CLIP1: variants seen among roughly 807,000 people sequenced by gnomAD.
The protein encoded by CLIP1 is CAP-Gly domain containing linker protein 1.
A neutral mutation model predicts 161.6 loss-of-function variants in CLIP1; 66 were observed. That is an observed-to-expected ratio of 0.41 (90% confidence interval 0.33 to 0.50). CLIP1 has a LOEUF of 0.50. Ranked by LOEUF, CLIP1 falls within the 20% of genes least tolerant of loss-of-function variation. CLIP1 has a pLI of 0.27. For missense variants in CLIP1, 1,376 were observed against 1,702.0 expected, an observed-to-expected ratio of 0.81 and a Z score of 3.37; for synonymous variants, 598 against 626.2, an observed-to-expected ratio of 0.96 and a Z score of 0.67.
At chr12:122,312,471 A>G (rs1593039465) in intron 19 of CLIP1, among the ~76,000 whole-genome samples, 1 of 152,056 alleles carries the variant, frequency 6.6e-6, no homozygotes, top group Admixed American at 6.6e-5. Context: ...TCCTATTAGA[A>G]CCCTTGTGGT....
chr12:122,384,487 C>A (rs1205655634), intron 1 of CLIP1, among the ~76,000 whole-genome samples: 1 of 152,072 alleles, frequency 6.6e-6, no homozygotes, highest in East Asian at 1.9e-4. Flanking sequence ...GAAGGCCGGG[C>A]GCAGTGGCTC....
At position 122,279,259 on chromosome 12, in the gene CLIP1, ACAGGG is replaced by A; in HGVS notation, c.3648-119_3648-115del. ...TAGTTAATGTAAAAAAAAAAATATAACAGGGAAGTTTTATAGGGAGTTAAGGCCAT... is the reference window on the plus strand; with the variant it reads ...TAGTTAATGTAAAAAAAAAAATATAAAAGTTTTATAGGGAGTTAAGGCCAT... On this transcript the variant is annotated intron_variant, in intron 21 of 25. Transcript: ENST00000620786. This position sits in a 1 kb window ranked among gnomAD's most constrained non-coding sequence, Gnocchi z 4.5. The A allele has an allele frequency of 1.4e-6, 1 of 696,956 alleles. No individual in the cohort carries two copies. 43.2% of individuals were successfully genotyped at this position (696,956 alleles called of 1,614,324 possible). A position where few individuals can be genotyped will look rare whatever the true frequency, so the allele number is the denominator to read the frequency against.
At chr12:122,367,768 C>T (rs777195128) in intron 3 of CLIP1, among the ~76,000 whole-genome samples, 12 of 152,158 alleles carry the variant, frequency 7.9e-5, no homozygotes, top group Admixed American at 2.6e-4. Flanking sequence ...CCTGTAATCC[C>T]ACCATTTTGG....
intron 5 of CLIP1, among the ~76,000 whole-genome samples, chr12:122,359,283 A>G (rs1330683401): frequency 6.6e-6 from 1 of 152,196 alleles, no homozygotes; most frequent in African/African-American, 2.4e-5. Flanking sequence ...CTCTTTTGTC[A>G]ATTTTCACTG....
Position 122,377,844 on chromosome 12 carries a change from C to T in CLIP1, c.202G>A (p.Gly68Arg), listed in dbSNP as rs1230140758. ...AACTGGATAAATCCAGGCTTATTTC[C>T]ATTCACCCAAACTCGCTCCCCAACT... ...FRVGERVWVN[G>R]NKPGFIQFLG... is the part of the protein sequence containing the mutation. Residue 68 changes from glycine to arginine, a missense_variant, in exon 3 of 26, where the codon GGA becomes AGA. Physicochemically the swap from Gly to Arg is moderately radical, Grantham distance 125. Coordinates refer to ENST00000620786, the MANE Select transcript of CLIP1 (RefSeq NM_001247997.2). 6.2e-7 allele frequency: 1 copy of T among 1,613,918 alleles called. No homozygotes were observed. Among genetic ancestry groups the T allele is most frequent in the Admixed American group, 1.7e-5 (1 of 59,960 alleles).
At chr12:122,298,810 C>T (rs1449744257) in intron 20 of CLIP1, among the ~76,000 whole-genome samples, 1 of 151,840 alleles carries the variant, frequency 6.6e-6, no homozygotes, top group Non-Finnish European at 1.5e-5. Context: ...CAAAAATTAG[C>T]TGTGTGTGGT....
chr12:122,298,141 T>G (rs1950544456), intron 20 of CLIP1, among the ~76,000 whole-genome samples: 1 of 152,198 alleles, frequency 6.6e-6, no homozygotes, highest in Admixed American at 6.6e-5. Flanking sequence ...CCCGAGAGCA[T>G]ACTTCGGTAA....
intron 1 of CLIP1, among the ~76,000 whole-genome samples, chr12:122,385,448 C>T (rs547745471): frequency 2.6e-5 from 4 of 152,092 alleles, no homozygotes; most frequent in Admixed American, 6.6e-5. Flanking sequence ...TCTTACACTC[C>T]CAGGGGATAT....
chr12:122,316,427 C>A (rs774741491), intron 19 of CLIP1, among the ~76,000 whole-genome samples: 2 of 152,094 alleles, frequency 1.3e-5, no homozygotes, highest in African/African-American at 2.4e-5. Context: ...CCAGGCTGGT[C>A]TCAAACTCCC....
At chr12:122,374,618 T>C (rs1182840666) in intron 3 of CLIP1, among the ~76,000 whole-genome samples, 3 of 151,996 alleles carry the variant, frequency 2.0e-5, no homozygotes, top group African/African-American at 7.3e-5. Flanking sequence ...AAAAAGTAGC[T>C]GGGCATGGTG....
At chr12:122,386,847 G>A (rs1403604390) in intron 1 of CLIP1, among the ~76,000 whole-genome samples, 1 of 150,076 alleles carries the variant, frequency 6.7e-6, no homozygotes, top group Non-Finnish European at 1.5e-5. Flanking sequence ...AAAAGAGAGA[G>A]AGATTCTGAG....
At chr12:122,318,145 C>T (rs1455150065) in intron 18 of CLIP1, among the ~76,000 whole-genome samples, 3 of 152,222 alleles carry the variant, frequency 2.0e-5, no homozygotes, top group Non-Finnish European at 2.9e-5. Flanking sequence ...CCTTGACCTC[C>T]ACAATGAGGA....
At position 122,366,229 on chromosome 12, in the gene CLIP1, C is replaced by T. The variant is rs57957816; in HGVS notation, c.658-2122G>A. On this transcript the variant is annotated intron_variant, in intron 3 of 25. Coordinates refer to ENST00000620786, the MANE Select transcript of CLIP1 (RefSeq NM_001247997.2). ...GGCTGAGGCACAAGAATAACTTGCA[C>T]CCGGGAAGCGGAGGTTGCAATGATC... 8.8e-3 allele frequency among the ~76,000 whole-genome samples: 1,342 copies of T among 151,868 alleles called. 20 individuals carry two copies. The highest frequency in any genetic ancestry group is 0.031 in the African/African-American group (1,270 of 41,370).
intron 17 of CLIP1, 93 bp from the exon 18 acceptor site, chr12:122,319,441 G>C: frequency 2.3e-6 from 2 of 880,490 alleles, no homozygotes; most frequent in Middle Eastern, 2.2e-4. Context: ...AGCACTCAGT[G>C]TCTGTGTGGG....
chr12:122,286,102 G>A lies in CLIP1; in HGVS notation c.3647+2387C>T, dbSNP rs182759730. Among the ~76,000 whole-genome samples the A allele has an allele frequency of 2.0e-3, 305 of 152,226 alleles. 4 individuals carry two copies. The highest frequency in any genetic ancestry group is 7.1e-3 in the African/African-American group (295 of 41,534). ...AAAAAGCACATCACTGTTGTGATAC[G>A]CACCTATTTAGTATTCTGCAGCAAC... On this transcript the variant is annotated intron_variant, in intron 21 of 25. Transcript: ENST00000620786.
intron 20 of CLIP1, among the ~76,000 whole-genome samples, chr12:122,294,495 G>A (rs150603897): frequency 6.3e-4 from 95 of 151,656 alleles, no homozygotes; most frequent in African/African-American, 2.1e-3. Flanking sequence ...GGGCACAGTG[G>A]CTCACACCTG....
At chr12:122,283,141 C>A (rs370624013) in intron 21 of CLIP1, among the ~76,000 whole-genome samples, 1 of 152,164 alleles carries the variant, frequency 6.6e-6, no homozygotes, top group African/African-American at 2.4e-5. Context: ...GAGAATGGAG[C>A]AACCAAACCG....
chr12:122,296,831 G>A (rs962135742), intron 20 of CLIP1, among the ~76,000 whole-genome samples: 3 of 136,196 alleles, frequency 2.2e-5, no homozygotes, highest in Non-Finnish European at 4.5e-5. Flanking sequence ...GCCACTGCAC[G>A]CTAGCCTGGG....
At chr12:122,347,578 C>T (rs1188274408) in intron 9 of CLIP1, 99 bp from the exon 10 acceptor site, 2 of 867,352 alleles carry the variant, frequency 2.3e-6, no homozygotes, top group African/African-American at 1.6e-5. Context: ...CCACCAGTAC[C>T]TTCTGCCAAA....
Sources: allele counts gnomAD v4.1 joint callset (sites outside exome capture counted in the v4.1 genomes callset), GRCh38; gene constraint gnomAD v4.1.1; non-coding constraint Gnocchi (gnomAD v3.1); transcripts MANE v1.5; gene names NCBI Gene and HGNC (gene_info 2026-07-23, HGNC 2026-07-21).